The following RECQL5 variants were observed in gnomAD, a reference collection of about 807,000 sequenced individuals.
RECQL5 encodes ATP-dependent DNA helicase Q5.
RECQL5 carries 88 observed loss-of-function variants against 103.4 expected under a neutral mutation model. The observed-to-expected ratio is 0.85, with a 90% CI of 0.72 to 1.02. RECQL5 has a LOEUF of 1.02. Among genes scored for constraint, RECQL5 ranks in the 50% least tolerant of loss-of-function variants. RECQL5 has a pLI of 0.00. For synonymous variants in RECQL5, 552 were observed against 507.9 expected (o/e 1.09, Z -1.17); for missense variants, 1,232 against 1,284.3 (o/e 0.96, Z 0.62).
At chr17:75,645,720 A>G (rs572539785) in intron 8 of RECQL5, among the ~76,000 whole-genome samples, 2 of 152,338 alleles carry the variant, frequency 1.3e-5, no homozygotes, top group Admixed American at 1.3e-4. Context: ...CGCCCATGAT[A>G]GTTAAGAACG....
In RECQL5 at chr17:75,631,493, C is replaced by A. The variant is rs760152507; in HGVS notation, c.1405G>T (p.Glu469Ter). The A allele has an allele frequency of 6.2e-7, 1 of 1,613,274 alleles. No homozygotes were observed. The highest frequency in any genetic ancestry group is 8.5e-7 in the Non-Finnish European group (1 of 1,179,978). The change falls in exon 9 of 20, where the codon GAG becomes TAG. Residue 469 changes from glutamate to a stop codon, truncating the protein, a stop_gained. Transcript: ENST00000317905. LOFTEE classifies it high-confidence loss of function. ...GPSQGNGFDP[E>*]LYEGGRKGYG... ...CCCTTGCGGCCTCCCTCATACAGCT[C>A]GGGGTCAAAGCCGTTCCCCTGGGAG... is the stretch of plus-strand genomic sequence containing the variant.
At chr17:75,641,933 C>A (rs989024343) in intron 8 of RECQL5, among the ~76,000 whole-genome samples, 16 of 152,180 alleles carry the variant, frequency 1.1e-4, no homozygotes, top group African/African-American at 2.2e-4. Flanking sequence ...AATCCTGGTA[C>A]TGCTTCCTGG....
chr17:75,650,901 T>C (rs1228120727), intron 8 of RECQL5: 17 of 1,444,280 alleles, frequency 1.2e-5, no homozygotes, highest in Non-Finnish European at 1.4e-5. Flanking sequence ...TCACATCCCT[T>C]GGAACTGAGT....
intron 7 of RECQL5, chr17:75,652,510 C>T: frequency 6.6e-6 from 1 of 152,516 alleles, no homozygotes; most frequent in Non-Finnish European, 1.5e-5. Context: ...TACGGCTGGG[C>T]AGGGGAGGTG....
chr17:75,661,089 G>A, intron 5 of RECQL5, 23 bp from the exon 6 acceptor site: 1 of 1,582,686 alleles, frequency 6.3e-7, no homozygotes, highest in Middle Eastern at 1.7e-4. Flanking sequence ...GGAAGATGGA[G>A]AAGGGAACTC....
At chr17:75,643,257 A>G (rs768233622) in intron 8 of RECQL5, among the ~76,000 whole-genome samples, 4 of 152,238 alleles carry the variant, frequency 2.6e-5, no homozygotes, top group African/African-American at 7.2e-5. Flanking sequence ...TTTCATCAGC[A>G]TAAGAATAGC....
chr17:75,629,911 C>T lies in RECQL5; in HGVS notation c.1813-69G>A, dbSNP rs2059175010. The T allele has an allele frequency of 3.3e-5, 50 of 1,529,168 alleles. No individual in the cohort carries two copies. The South Asian group carries it at 6.2e-4, about 19-fold the overall frequency. 94.7% of individuals were successfully genotyped at this position (1,529,168 alleles called of 1,614,324 possible). ...TCCTGACATGCCCCACCTAGCCCTC[C>T]TTTTCTACTAGGCACTACAAGTGGG... On this transcript the variant is annotated intron_variant, in intron 14 of 19. Transcript: ENST00000317905.
chr17:75,650,632 G>A (rs745938552), intron 8 of RECQL5: 1 of 1,613,162 alleles, frequency 6.2e-7, no homozygotes, highest in Admixed American at 1.7e-5. Context: ...TGTCTCTCCT[G>A]CAGGCACTCA....
rs780225983 is a variant in RECQL5, at chr17:75,665,157, A to G, written c.146T>C (p.Phe49Ser). ...MAVVKGNKDV[F>S]VCMPTGAGKS... is the part of the protein sequence containing the mutation. ...TCCTGCCCCTGTGGGCATGCACACAAAGACGTCCTTGTTACCTGAAAAAAT... is the reference window on the plus strand; with the variant it reads ...TCCTGCCCCTGTGGGCATGCACACAGAGACGTCCTTGTTACCTGAAAAAAT... The change falls in exon 3 of 20, where the codon TTT (phenylalanine) becomes TCT (serine). Residue 49 changes from phenylalanine (F) to serine (S), a missense_variant. Physicochemically the swap from Phe to Ser is radical, Grantham distance 155. Transcript: ENST00000317905. The G allele has an allele frequency of 6.2e-7, 1 of 1,609,680 alleles. No homozygotes were observed. The highest frequency in any genetic ancestry group is 1.7e-5 in the Admixed American group (1 of 58,824).
intron 8 of RECQL5, chr17:75,635,849 C>T (rs775955278): frequency 1.6e-5 from 16 of 985,348 alleles, no homozygotes; most frequent in Non-Finnish European, 1.9e-5. Context: ...AGCCCTTCCT[C>T]GTGAGGCGCC....
chr17:75,633,036 A>C (rs1455920619), intron 8 of RECQL5, among the ~76,000 whole-genome samples: 1 of 152,230 alleles, frequency 6.6e-6, no homozygotes, highest in African/African-American at 2.4e-5. Context: ...ACTTTCTTTT[A>C]GCTGAGTGAA....
chr17:75,664,685 G>T (rs1343776425), intron 3 of RECQL5, among the ~76,000 whole-genome samples: 3 of 152,028 alleles, frequency 2.0e-5, no homozygotes, highest in Non-Finnish European at 4.4e-5. Flanking sequence ...GGCCGAGGTG[G>T]GCGGATCATT....
At chr17:75,660,752 A>T (rs549108679) in intron 6 of RECQL5, among the ~76,000 whole-genome samples, 1 of 152,368 alleles carries the variant, frequency 6.6e-6, no homozygotes, top group African/African-American at 2.4e-5. Context: ...GGGGGGTGCC[A>T]GAACCATGCC....
At chr17:75,661,893 GTTCATGCCTGCAAT>G (rs2059704601) in intron 4 of RECQL5, among the ~76,000 whole-genome samples, 185 bp from the exon 5 acceptor site, 1 of 152,242 alleles carries the variant, frequency 6.6e-6, no homozygotes. Flanking sequence ...GGATGCAATG[GTTCATGCCTGCAAT>G]CCCAGCACTT....
rs373431812 is a variant in RECQL5, at chr17:75,661,078, G to A, written c.875-12C>T. 5.0e-6 allele frequency: 8 copies of A among 1,605,650 alleles called. No homozygotes were observed. The African/African-American group carries it at 5.4e-5, about 11-fold the overall frequency. The stretch of plus-strand genomic sequence containing the variant: ...AGAGGCCTTCAGCCCTGTAAAGGAG[G>A]GGAAGATGGAGAAGGGAACTCACAT... On this transcript the variant is annotated splice_polypyrimidine_tract_variant and intron_variant, in intron 5 of 19. Coordinates refer to ENST00000317905, the MANE Select transcript of RECQL5 (RefSeq NM_004259.7).
intron 3 of RECQL5, 31 bp downstream of exon 3, chr17:75,665,020 G>T: frequency 6.6e-7 from 1 of 1,511,418 alleles, no homozygotes; most frequent in Admixed American, 2.5e-5. Flanking sequence ...GAATCTTTTT[G>T]GGCTACCATC....
rs114643725 is a variant in RECQL5 at position 75,657,040 on chromosome 17, G to A, written c.1149+1258C>T. Among the ~76,000 whole-genome samples the A allele has an allele frequency of 3.7e-3, 566 of 151,756 alleles. 6 individuals are homozygous for A. Among genetic ancestry groups the A allele is most frequent in the African/African-American group, 0.013 (539 of 41,436 alleles). The stretch of plus-strand genomic sequence containing the variant: ...ATTACAGGCGTAAGCCATCGCGCCC[G>A]GCCCCTTTATTGTCATTTTGGCAGA... On this transcript the variant is annotated intron_variant, in intron 7 of 19. Transcript: ENST00000317905.
In RECQL5 at chr17:75,640,106, G is replaced by T. The variant is rs577523041; in HGVS notation, c.1230-8438C>A. ...GGATGGGTGCGAGGGTGGAATCTCG[G>T]TGCTGCGACGAGTGTGGGGCCAGCC... is the stretch of plus-strand genomic sequence containing the variant. On this transcript the variant is annotated intron_variant, in intron 8 of 19. Transcript: ENST00000317905. The surrounding 1 kb of genome is among the most constrained non-coding windows in gnomAD (Gnocchi z 4.6). The T allele has an allele frequency of 1.4e-6, 2 of 1,432,742 alleles. No homozygotes were observed. Among genetic ancestry groups the T allele is most frequent in the South Asian group, 2.9e-5 (2 of 69,062 alleles). 88.8% of individuals were successfully genotyped at this position (1,432,742 alleles called of 1,614,324 possible).
chr17:75,647,172 GA>G (rs1305613168), intron 8 of RECQL5, among the ~76,000 whole-genome samples: 2 of 152,198 alleles, frequency 1.3e-5, no homozygotes, highest in African/African-American at 4.8e-5. Context: ...CCTGTATCTA[GA>G]GCGGGGGAAA....
Sources: gnomAD v4.1 joint callset for allele counts (sites outside exome capture counted in the v4.1 genomes callset) on GRCh38, gnomAD v4.1.1 for gene constraint, Gnocchi (gnomAD v3.1) non-coding constraint, MANE v1.5 for transcripts, NCBI Gene and HGNC (gene_info 2026-07-23, HGNC 2026-07-21) for gene names.